ABHD12: variants seen among roughly 807,000 people sequenced by gnomAD.
ABHD12 encodes lysophosphatidylserine lipase ABHD12.
In ABHD12, 43 loss-of-function variants were observed where a neutral mutation model predicts 58.3. The ratio of observed to expected loss-of-function variants is 0.74; its 90% CI spans 0.58 to 0.95. ABHD12 has a LOEUF of 0.95. Among genes scored for constraint, ABHD12 ranks in the 40% least tolerant of loss-of-function variants. ABHD12 has a pLI of 0.00. For missense variants in ABHD12, 539 were observed against 537.2 expected, an observed-to-expected ratio of 1.00 and a Z score of -0.03; for synonymous variants, 219 against 211.2, an observed-to-expected ratio of 1.04 and a Z score of -0.32.
At chr20:25,296,798 G>A, downstream of ABHD12, 1 of 446,662 alleles carries the variant, frequency 2.2e-6, no homozygotes. Flanking sequence ...CACCCAGAGT[G>A]GGAGTCAGGT....
chr20:25,315,790 C>T (rs184999325), intron 5 of ABHD12, among the ~76,000 whole-genome samples: 167 of 152,244 alleles, frequency 1.1e-3, no homozygotes, highest in African/African-American at 2.8e-3. Flanking sequence ...ATGTACTCCA[C>T]GGGTAAAATC....
At chr20:25,324,779 T>A (rs545721079) in intron 2 of ABHD12, among the ~76,000 whole-genome samples, 1 of 152,372 alleles carries the variant, frequency 6.6e-6, no homozygotes, top group South Asian at 2.1e-4. Context: ...CCAGGGCTGC[T>A]GTTCATACCC....
intron 4 of ABHD12, among the ~76,000 whole-genome samples, chr20:25,319,101 C>A (rs118124577): frequency 6.6e-6 from 1 of 152,252 alleles, no homozygotes; most frequent in Non-Finnish European, 1.5e-5. Flanking sequence ...GCCCTGTCTC[C>A]GTGCTGGGTC....
At chr20:25,348,167 G>A (rs925101382) in intron 1 of ABHD12, among the ~76,000 whole-genome samples, 4 of 151,426 alleles carry the variant, frequency 2.6e-5, no homozygotes, top group African/African-American at 7.3e-5. Context: ...CCGAGATGGC[G>A]CCACTGCACT....
At chr20:25,339,063 T>C in intron 2 of ABHD12, 164 bp downstream of exon 2, 1 of 1,402,254 alleles carries the variant, frequency 7.1e-7, no homozygotes, top group Admixed American at 2.6e-5. Context: ...TACCTATCTA[T>C]CTCTAAAGAT....
intron 3 of ABHD12, among the ~76,000 whole-genome samples, chr20:25,321,400 C>G (rs1205187108): frequency 6.6e-6 from 1 of 152,270 alleles, no homozygotes; most frequent in Non-Finnish European, 1.5e-5. Context: ...CCTTGAGGCC[C>G]TCCTTTCAGG....
At chr20:25,342,435 TGCACTTTGCA>T (rs2089466997) in intron 1 of ABHD12, among the ~76,000 whole-genome samples, 1 of 150,672 alleles carries the variant, frequency 6.6e-6, no homozygotes, top group African/African-American at 2.4e-5. Context: ...TTCACTTTAC[TGCACTTTGCA>T]GATACCACAT....
exon 13 of ABHD12, chr20:25,294,932 G>C (rs779109285): frequency 6.3e-7 from 1 of 1,595,960 alleles, no homozygotes; most frequent in Non-Finnish European, 8.6e-7. Context: ...TTTTAGTTTT[G>C]TCTGCTGCTC....
intron 1 of ABHD12, among the ~76,000 whole-genome samples, chr20:25,345,828 C>G (rs2089510866): frequency 6.6e-6 from 1 of 152,172 alleles, no homozygotes; most frequent in African/African-American, 2.4e-5. Flanking sequence ...CTCATTCATT[C>G]CCAGTGGGAA....
chr20:25,314,941 G>C lies in ABHD12; in HGVS notation c.603C>G (p.Val201=). 6.2e-7 allele frequency: 1 copy of C among 1,614,198 alleles called. No individual in the cohort carries two copies. Among genetic ancestry groups the C allele is most frequent in the Non-Finnish European group, 8.5e-7 (1 of 1,180,028 alleles). ...AAATCTCACCTCTGTAGTCAAAGGTGACCACATGGTAACCAAGGGAACTCA... is the reference window on the plus strand; with the variant it reads ...AAATCTCACCTCTGTAGTCAAAGGTCACCACATGGTAACCAAGGGAACTCA... ...KVLSSLGYHV[V]TFDYRGWGDS... The change falls in exon 6 of 13, where the codon GTC becomes GTG. Residue 201 remains valine (V), a synonymous_variant. Transcript: ENST00000339157.
intron 1 of ABHD12, among the ~76,000 whole-genome samples, chr20:25,383,966 A>G (rs1241530677): frequency 4.4e-5 from 6 of 135,106 alleles, no homozygotes; most frequent in Admixed American, 1.5e-4. Flanking sequence ...AAAAAAAAAA[A>G]AAAAAAAAGA....
intron 11 of ABHD12, chr20:25,303,116 T>C: frequency 1.5e-6 from 1 of 654,688 alleles, no homozygotes; most frequent in South Asian, 3.4e-5. Flanking sequence ...GAAGTTTCTC[T>C]ATCAATTTTG....
chr20:25,363,210 T>C (rs1351352781), intron 1 of ABHD12, among the ~76,000 whole-genome samples: 5 of 151,824 alleles, frequency 3.3e-5, no homozygotes, highest in East Asian at 1.9e-4. Context: ...AATAAAATGA[T>C]TGACATTTTA....
chr20:25,379,482 A>G (rs2089997778), intron 1 of ABHD12, among the ~76,000 whole-genome samples: 1 of 152,156 alleles, frequency 6.6e-6, no homozygotes, highest in Non-Finnish European at 1.5e-5. Context: ...CTTTCCCCAC[A>G]GCCTTGGCCT....
chr20:25,307,175 T>G (rs970604580), intron 9 of ABHD12, among the ~76,000 whole-genome samples: 2 of 152,134 alleles, frequency 1.3e-5, no homozygotes, highest in African/African-American at 4.8e-5. Flanking sequence ...GGGGCTGCCC[T>G]GCAAATGGGG....
At chr20:25,298,267 TTG>T (rs1491460479), downstream of ABHD12, among the ~76,000 whole-genome samples, 56 of 121,512 alleles carry the variant, frequency 4.6e-4, no homozygotes, top group East Asian at 3.5e-3. Context: ...ACGGCTAGTT[TTG>T]TTTTTTTGTT....
At chr20:25,317,764 C>T (rs1326853502) in intron 4 of ABHD12, among the ~76,000 whole-genome samples, 1 of 152,366 alleles carries the variant, frequency 6.6e-6, no homozygotes, top group African/African-American at 2.4e-5. Context: ...CACACCCTCC[C>T]ATTTGTACTT....
intron 1 of ABHD12, among the ~76,000 whole-genome samples, chr20:25,361,059 G>T (rs553583972): frequency 4.6e-5 from 7 of 152,354 alleles, no homozygotes; most frequent in African/African-American, 1.7e-4. Context: ...CACAGGCCAA[G>T]GTGAGCTTAG....
intron 1 of ABHD12, among the ~76,000 whole-genome samples, chr20:25,364,807 A>G (rs778031620): frequency 1.3e-5 from 2 of 152,240 alleles, no homozygotes; most frequent in Non-Finnish European, 2.9e-5. Context: ...TCAAAAGAGT[A>G]ACTCTGGGCA....
Sources: gnomAD v4.1 joint callset for allele counts (sites outside exome capture counted in the v4.1 genomes callset) on GRCh38, gnomAD v4.1.1 for gene constraint, MANE v1.5 for transcripts, NCBI Gene and HGNC (gene_info 2026-07-23, HGNC 2026-07-21) for gene names.